LRP1: variants seen among roughly 807,000 people sequenced by gnomAD.
LRP1 encodes the protein prolow-density lipoprotein receptor-related protein 1.
Under a neutral mutation model 541.5 loss-of-function variants are expected in LRP1, and 51 were observed. The ratio of observed to expected loss-of-function variants is 0.09; its 90% CI spans 0.08 to 0.12. The LOEUF is 0.12. Among genes scored for constraint, LRP1 ranks in the 10% least tolerant of loss-of-function variants. The probability of loss-of-function intolerance (pLI) is 1.00; values close to 1 mark genes in which losing one functional copy is unlikely to be tolerated. For synonymous variants in LRP1, 2,219 were observed against 2,470.8 expected (o/e 0.90, Z 3.02); for missense variants, 3,878 against 6,376.2 (o/e 0.61, Z 13.34).
chr12:57,202,937 G>T, intron 68 of LRP1: 2 of 574,220 alleles, frequency 3.5e-6, no homozygotes, highest in Non-Finnish European at 6.2e-6. Flanking sequence ...CTGTTCTGAG[G>T]GCAAGGCCAG....
At chr12:57,180,525 C>A (rs1179525912) in intron 32 of LRP1, 46 bp downstream of exon 32, 1 of 1,610,352 alleles carries the variant, frequency 6.2e-7, no homozygotes. Flanking sequence ...GCAGGCCAGG[C>A]CAGACCTACT....
In LRP1 at chr12:57,185,624, T is replaced by G. The variant is rs761817039; in HGVS notation, c.6557T>G (p.Met2186Arg). 5 of 1,611,574 alleles carry G rather than the reference T, an allele frequency of 3.1e-6. No homozygotes were observed. In the South Asian group the frequency reaches 5.5e-5, roughly 18 times the overall value. ...CGGGCCTGCGCCTGTGCCCACGGGATGCTGGCTGAAGACGGAGCATCGTGC... is the reference window on the plus strand; with the variant it reads ...CGGGCCTGCGCCTGTGCCCACGGGAGGCTGGCTGAAGACGGAGCATCGTGC... ...GQRACACAHG[M>R]LAEDGASCRE... The change falls in exon 41 of 89, where the codon ATG becomes AGG. Residue 2186 changes from methionine to arginine, a missense_variant. This residue lies in a region of LRP1 where 1,100 missense variants were observed against 1,827.4 expected (regional missense o/e 0.60). Coordinates refer to ENST00000243077, the MANE Select transcript of LRP1 (RefSeq NM_002332.3). This position sits in a 1 kb window ranked among gnomAD's most constrained non-coding sequence, Gnocchi z 4.9.
chr12:57,208,881 C>A, intron 78 of LRP1, 64 bp downstream of exon 78: 2 of 1,372,302 alleles, frequency 1.5e-6, no homozygotes, highest in Non-Finnish European at 1.0e-6. Context: ...AGCCCAGCTG[C>A]TGCTGAAGTC....
chr12:57,197,146 C>T lies in LRP1; in HGVS notation c.9057C>T (p.His3019=). 6.2e-7 allele frequency: 1 copy of T among 1,613,998 alleles called. No homozygotes were observed. Among genetic ancestry groups the T allele is most frequent in the East Asian group, 2.2e-5 (1 of 44,888 alleles). The stretch of plus-strand genomic sequence containing the variant: ...ATGCACCCCGCGGCGGCGACCCCCA[C>T]AGCTGCAAGGCTGTGACTGGTGAGA... ...EGYAPRGGDP[H]SCKAVTDEEP... The change falls in exon 56 of 89, where the codon CAC becomes CAT. Residue 3019 remains histidine, a synonymous_variant. Coordinates refer to ENST00000243077, the MANE Select transcript of LRP1 (RefSeq NM_002332.3). This position sits in a 1 kb window ranked among gnomAD's most constrained non-coding sequence, Gnocchi z 4.5.
In LRP1 at chr12:57,189,962, A is replaced by G. The variant is rs144745898; in HGVS notation, c.7032-843A>G. On this transcript the variant is annotated intron_variant, in intron 42 of 88. Transcript: ENST00000243077. This position sits in a 1 kb window ranked among gnomAD's most constrained non-coding sequence, Gnocchi z 4.4. ...CCAGGGTAGTGCATGACCAGCCCTG[A>G]GGCCTTCCACAGCCCCCCTCCAGCC... Among the ~76,000 whole-genome samples, 626 of 152,252 alleles carry G rather than the reference A, an allele frequency of 4.1e-3. 7 individuals are homozygous for G. The highest frequency in any genetic ancestry group is 0.014 in the African/African-American group (590 of 41,546).
rs1199776725 is a variant in LRP1 at position 57,208,796 on chromosome 12, G to A, written c.12124G>A (p.Asp4042Asn). The A allele has an allele frequency of 6.2e-7, 1 of 1,613,954 alleles. No homozygotes were observed. The highest frequency in any genetic ancestry group is 2.2e-5 in the East Asian group (1 of 44,892). Residue 4042 changes from aspartate to asparagine, a missense_variant, in exon 78 of 89, where the codon GAC becomes AAC. Asp to Asn is a conservative substitution (Grantham distance 23). Around this residue, in one of 13 missense-constraint regions of LRP1, gnomAD observed 871 missense variants for 1,212.4 expected, o/e 0.72. Transcript: ENST00000243077. ...GACGCTTCGGGAGACACTGGTGCAG[G>A]ACAACATTCAGTGGCCCACAGGTTT... ...DGTLRETLVQ[D>N]NIQWPTGLAV...
chr12:57,177,365 C>T lies in LRP1; in HGVS notation c.4197-62C>T. ...CTCCTCCCACCCTCTACCTACGATC[C>T]CACCACAGTCGCTCCCTGAGGGCCC... On this transcript the variant is annotated intron_variant, in intron 25 of 88. Transcript: ENST00000243077. This position sits in a 1 kb window ranked among gnomAD's most constrained non-coding sequence, Gnocchi z 6.8. 1 of 1,559,052 alleles carries T rather than the reference C, an allele frequency of 6.4e-7. No individual in the cohort carries two copies. The highest frequency in any genetic ancestry group is 8.7e-7 in the Non-Finnish European group (1 of 1,146,042).
rs377025267 is a variant in LRP1, at chr12:57,185,924, A to G, written c.6841+16A>G. ...ATTGTGGAAAGTGAGCCCAGACCCT[A>G]AGTCTTCCCAGGAAGTGGGACATGG... On this transcript the variant is annotated intron_variant, in intron 41 of 88. Transcript: ENST00000243077. The surrounding 1 kb of genome is among the most constrained non-coding windows in gnomAD (Gnocchi z 4.9). The G allele has an allele frequency of 1.2e-6, 2 of 1,603,038 alleles. No individual in the cohort carries two copies. The highest frequency in any genetic ancestry group is 2.2e-5 in the East Asian group (1 of 44,764).
At chr12:57,181,112 G>C (rs1046643519) in intron 33 of LRP1, 45 bp from the exon 34 acceptor site, 3 of 1,595,604 alleles carry the variant, frequency 1.9e-6, no homozygotes, top group Non-Finnish European at 1.7e-6. Flanking sequence ...GAGGTCCCAA[G>C]GAGGGCCACC....
In LRP1 at chr12:57,206,673, C is replaced by T. The variant is rs1282240496; in HGVS notation, c.11791C>T (p.Pro3931Ser). The change falls in exon 76 of 89, where the codon CCT (proline) becomes TCT (serine). Residue 3931 changes from proline (P) to serine (S), a missense_variant. Around this residue, in one of 13 missense-constraint regions of LRP1, gnomAD observed 871 missense variants for 1,212.4 expected, o/e 0.72. Coordinates refer to ENST00000243077, the MANE Select transcript of LRP1 (RefSeq NM_002332.3). The surrounding 1 kb of genome is among the most constrained non-coding windows in gnomAD (Gnocchi z 4.7). ...CACCATCTCCTACCGCAGCCTGCCA[C>T]CTGCTGCGCCTCCTACCACTTCCAA... Reference protein sequence around the residue: ...TGTISYRSLPPAAPPTTSNRH... With the variant: ...TGTISYRSLPSAAPPTTSNRH... The T allele has an allele frequency of 6.2e-7, 1 of 1,613,696 alleles. No individual in the cohort carries two copies. Among genetic ancestry groups the T allele is most frequent in the African/African-American group, 1.3e-5 (1 of 74,950 alleles).
At chr12:57,160,839 G>C in intron 12 of LRP1, 54 bp from the exon 13 acceptor site, 1 of 1,398,156 alleles carries the variant, frequency 7.2e-7, no homozygotes. Flanking sequence ...GATCACAGGG[G>C]AGGCTGTTGA....
rs758953215 is a variant in LRP1, at chr12:57,194,021, C to T, written c.7918+9C>T. The T allele has an allele frequency of 1.1e-5, 17 of 1,611,794 alleles. No homozygotes were observed. In the South Asian group the frequency reaches 1.2e-4, roughly 11 times the overall value. On this transcript the variant is annotated intron_variant, in intron 48 of 88. Coordinates refer to ENST00000243077, the MANE Select transcript of LRP1 (RefSeq NM_002332.3). ...AGATGAGATGAACTGCAGTGAGTGACGCCCTTTGCTGGCACCTCCTGGGCT... is the reference window on the plus strand; with the variant it reads ...AGATGAGATGAACTGCAGTGAGTGATGCCCTTTGCTGGCACCTCCTGGGCT...
At chr12:57,166,307 C>T in intron 17 of LRP1, 98 bp downstream of exon 17, 1 of 1,447,206 alleles carries the variant, frequency 6.9e-7, no homozygotes, top group South Asian at 1.4e-5. Flanking sequence ...ATAATCTCAG[C>T]ACTTTGGGAG....
At chr12:57,187,907 C>T (rs187018561) in intron 42 of LRP1, among the ~76,000 whole-genome samples, 41 of 152,286 alleles carry the variant, frequency 2.7e-4, no homozygotes, top group Non-Finnish European at 7.4e-5. Flanking sequence ...GGGCTGTATA[C>T]GGGTGACCAC....
chr12:57,136,428 G>C (rs2035171614), intron 1 of LRP1, among the ~76,000 whole-genome samples: 1 of 125,188 alleles, frequency 8.0e-6, no homozygotes, highest in Non-Finnish European at 1.6e-5. Context: ...TTATACTTCT[G>C]TCTCTGCCCT....
intron 46 of LRP1, 67 bp from the exon 47 acceptor site, chr12:57,193,499 A>C (rs2036459403): frequency 9.5e-6 from 15 of 1,581,794 alleles, no homozygotes; most frequent in Non-Finnish European, 1.3e-5. Flanking sequence ...CACGTGCATG[A>C]CGTCTCAGGG....
intron 31 of LRP1, 30 bp downstream of exon 31, chr12:57,180,171 C>G (rs2036135095): frequency 1.2e-6 from 2 of 1,604,698 alleles, no homozygotes; most frequent in South Asian, 2.2e-5. Flanking sequence ...CCCCCACAGC[C>G]CCTCCCTAAT....
intron 20 of LRP1, 146 bp downstream of exon 20, chr12:57,169,453 G>A: frequency 1.4e-6 from 1 of 736,780 alleles, no homozygotes; most frequent in Non-Finnish European, 2.1e-6. Context: ...TGTCCTTCAG[G>A]AGCTCCCGGT....
intron 3 of LRP1, among the ~76,000 whole-genome samples, chr12:57,143,236 A>G (rs2035333031): frequency 6.6e-6 from 1 of 152,202 alleles, no homozygotes; most frequent in South Asian, 2.1e-4. Flanking sequence ...CTTCCAGGCC[A>G]GAGCTGGGAT....
Sources: gnomAD v4.1 joint callset for allele counts (sites outside exome capture counted in the v4.1 genomes callset) on GRCh38, gnomAD v4.1.1 for gene constraint, gnomAD v4.1.1 regional missense constraint, Gnocchi (gnomAD v3.1) non-coding constraint, MANE v1.5 for transcripts, NCBI Gene and HGNC (gene_info 2026-07-23, HGNC 2026-07-21) for gene names.